The following DNAH12 variants were observed in gnomAD, a reference collection of about 807,000 sequenced individuals.
DNAH12 encodes the protein dynein axonemal heavy chain 12, also known as axonemal beta dynein heavy chain 12.
In DNAH12, 285 loss-of-function variants were observed where a neutral mutation model predicts 371.5. The ratio of observed to expected loss-of-function variants is 0.77; its 90% CI spans 0.70 to 0.85. The LOEUF (loss-of-function observed/expected upper bound fraction) is 0.85. DNAH12 is among the 40% of genes least tolerant of loss of function. The pLI, the probability that DNAH12 is intolerant of heterozygous loss-of-function variation, is 0.00. For missense variants in DNAH12, 3,611 were observed against 3,689.4 expected (o/e 0.98, Z 0.55); for synonymous variants, 1,200 against 1,213.0 (o/e 0.99, Z 0.22).
At chr3:57,299,632 G>A (rs747509198) in intron 70 of DNAH12, among the ~76,000 whole-genome samples, 22 of 152,090 alleles carry the variant, frequency 1.4e-4, no homozygotes, top group Non-Finnish European at 3.1e-4. Context: ...GCCTTTGGGA[G>A]GTAATTAGGT....
rs551225167 is a variant in DNAH12 at position 57,490,611 on chromosome 3, T to C, written c.1336-924A>G. 2.0e-5 allele frequency among the ~76,000 whole-genome samples: 3 copies of C among 152,284 alleles called. No homozygotes were observed. The South Asian group carries it at 6.2e-4, about 32-fold the overall frequency. The stretch of plus-strand genomic sequence containing the variant: ...ATCTCCACTCTCTACTGAAATGGCC[T>C]GTTCCTTTTATTCTTCCTTCAGGAG... On this transcript the variant is annotated intron_variant, in intron 11 of 73. Coordinates refer to ENST00000495027, the MANE Select transcript of DNAH12 (RefSeq NM_001366028.2).
At position 57,408,289 on chromosome 3, in the gene DNAH12, C is replaced by T. The variant is rs1457216908; in HGVS notation, c.6267G>A (p.Gly2089=). ...YFVIGNQIVN[G]TMEIYKQSVE... ...TGCATTATTGACTGACCTCCATAGT[C>T]CCATTGACTATCTGGTTCCCAATTA... The change falls in exon 40 of 74, where the codon GGG becomes GGA. Residue 2089 remains glycine, a synonymous_variant. Coordinates refer to ENST00000495027, the MANE Select transcript of DNAH12 (RefSeq NM_001366028.2). 6.5e-7 allele frequency: 1 copy of T among 1,549,118 alleles called. No homozygotes were observed. The highest frequency in any genetic ancestry group is 2.4e-5 in the East Asian group (1 of 40,884).
In DNAH12 at chr3:57,505,833, A is replaced by C. The variant is rs573335211; in HGVS notation, c.898-1629T>G. Among the ~76,000 whole-genome samples the C allele has an allele frequency of 3.3e-5, 5 of 151,500 alleles. No homozygotes were observed. The South Asian group carries it at 1.0e-3, about 32-fold the overall frequency. Reference sequence around the variant, plus strand: ...TTCACAGCAGGCTCGAGCTCCTGGGATCCTGGGCTCAAGCAATCCTCCCAC... The same window carrying C: ...TTCACAGCAGGCTCGAGCTCCTGGGCTCCTGGGCTCAAGCAATCCTCCCAC... On this transcript the variant is annotated intron_variant, in intron 8 of 73. Transcript: ENST00000495027.
intron 62 of DNAH12, among the ~76,000 whole-genome samples, chr3:57,333,878 T>A (rs2062163847): frequency 6.6e-6 from 1 of 152,064 alleles, no homozygotes; most frequent in African/African-American, 2.4e-5. Context: ...AAAAGTAAAA[T>A]CAGTCAATAG....
At chr3:57,369,407 C>T (rs2063124795) in intron 55 of DNAH12, among the ~76,000 whole-genome samples, 1 of 149,658 alleles carries the variant, frequency 6.7e-6, no homozygotes. Context: ...CATGTCACTT[C>T]AGCTTTCCCA....
At chr3:57,535,068 G>A (rs2068983059) in intron 2 of DNAH12, among the ~76,000 whole-genome samples, 1 of 152,140 alleles carries the variant, frequency 6.6e-6, no homozygotes, top group Admixed American at 6.5e-5. Flanking sequence ...ATTACCGATA[G>A]GAACATGAAG....
chr3:57,351,499 A>T (rs2062674423), intron 60 of DNAH12, among the ~76,000 whole-genome samples: 1 of 152,172 alleles, frequency 6.6e-6, no homozygotes, highest in African/African-American at 2.4e-5. Flanking sequence ...AATAGTGCCA[A>T]ACTGGAAACA....
At chr3:57,475,033 C>A (rs1019978699) in intron 13 of DNAH12, among the ~76,000 whole-genome samples, 1 of 150,710 alleles carries the variant, frequency 6.6e-6, no homozygotes, top group Admixed American at 6.6e-5. Context: ...TACACATATA[C>A]GGACACAGTG....
Position 57,444,831 on chromosome 3 carries a change from A to G in DNAH12, c.4426-15T>C, listed in dbSNP as rs1195738573. ...GATCGAAGAAGCTAAAATTACCCAA[A>G]AAGTACAATGTTAAGTTAGTTGCCA... On this transcript the variant is annotated splice_polypyrimidine_tract_variant and intron_variant, in intron 28 of 73. Coordinates refer to ENST00000495027, the MANE Select transcript of DNAH12 (RefSeq NM_001366028.2). The G allele has an allele frequency of 1.9e-6, 3 of 1,539,984 alleles. No individual in the cohort carries two copies. The highest frequency in any genetic ancestry group is 2.6e-6 in the Non-Finnish European group (3 of 1,141,984).
At chr3:57,397,964 T>C (rs1166770443) in intron 43 of DNAH12, among the ~76,000 whole-genome samples, 1 of 152,076 alleles carries the variant, frequency 6.6e-6, no homozygotes, top group Admixed American at 6.6e-5. Context: ...CATAAGGAAA[T>C]GCAGATCTAT....
chr3:57,299,141 C>T (rs916384192), intron 70 of DNAH12, among the ~76,000 whole-genome samples: 9 of 152,088 alleles, frequency 5.9e-5, no homozygotes, highest in South Asian at 2.1e-4. Flanking sequence ...CCAGGGAGAG[C>T]GAGCACCAAG....
At chr3:57,462,247 TGTTTTG>T (rs1354154435) in intron 18 of DNAH12, among the ~76,000 whole-genome samples, 3 of 15,896 alleles carry the variant, frequency 1.9e-4, no homozygotes, top group Admixed American at 1.5e-3. Context: ...AAGAGTGTTT[TGTTTTG>T]TTTTGTTTTG....
At chr3:57,314,101 C>G (rs1166772303) in intron 66 of DNAH12, among the ~76,000 whole-genome samples, 5 of 152,118 alleles carry the variant, frequency 3.3e-5, no homozygotes, top group Non-Finnish European at 7.4e-5. Flanking sequence ...TAGAGCTAAG[C>G]TGTAGACTTG....
rs937267348 is a variant in DNAH12, at chr3:57,295,602, G to GA, written c.11625-11dup. On this transcript the variant is annotated splice_polypyrimidine_tract_variant and intron_variant, in intron 72 of 73. Coordinates refer to ENST00000495027, the MANE Select transcript of DNAH12 (RefSeq NM_001366028.2). Reference sequence around the variant, plus strand: ...TTCAGCAAGCAATCCACTGTAACGAGAAATTGACAGAAATTATTAGAAATA... The same window carrying GA: ...TTCAGCAAGCAATCCACTGTAACGAGAAAATTGACAGAAATTATTAGAAATA... 2.6e-6 allele frequency: 4 copies of GA among 1,526,812 alleles called. No individual in the cohort carries two copies. The African/African-American group carries it at 5.5e-5, about 21-fold the overall frequency. 94.6% of individuals were successfully genotyped at this position (1,526,812 alleles called of 1,614,324 possible).
chr3:57,309,839 G>A lies in DNAH12; in HGVS notation c.10912C>T (p.Gln3638Ter). The A allele has an allele frequency of 6.5e-7, 1 of 1,544,846 alleles. No individual in the cohort carries two copies. Among genetic ancestry groups the A allele is most frequent in the Non-Finnish European group, 8.7e-7 (1 of 1,145,224 alleles). ...IEFIKKLPFT[Q>*]HPEIFGLHEN... ...TGTAATCCAAATATCTCAGGGTGTTGAGTAAATGGAAGTTTCTACCAGAAA... is the reference window on the plus strand; with the variant it reads ...TGTAATCCAAATATCTCAGGGTGTTAAGTAAATGGAAGTTTCTACCAGAAA... Residue 3638 changes from glutamine (Q) to a stop codon, truncating the protein, a stop_gained, in exon 68 of 74, where the codon CAA (glutamine) becomes TAA (stop). Coordinates refer to ENST00000495027, the MANE Select transcript of DNAH12 (RefSeq NM_001366028.2). LOFTEE classifies it high-confidence loss of function.
chr3:57,475,031 T>C (rs1376970847), intron 13 of DNAH12, among the ~76,000 whole-genome samples: 2 of 150,430 alleles, frequency 1.3e-5, no homozygotes, highest in African/African-American at 4.9e-5. Context: ...TCTACACATA[T>C]ACGGACACAG....
chr3:57,416,394 A>T (rs1439663968), intron 37 of DNAH12, among the ~76,000 whole-genome samples: 1 of 152,202 alleles, frequency 6.6e-6, no homozygotes, highest in Non-Finnish European at 1.5e-5. Context: ...GACCAGCCTT[A>T]TAGATACTTT....
upstream of DNAH12, among the ~76,000 whole-genome samples, chr3:57,547,070 C>T (rs2069585807): frequency 6.6e-6 from 1 of 152,116 alleles, no homozygotes; most frequent in South Asian, 2.1e-4. Flanking sequence ...TATAACTGCT[C>T]TCCATTTTCT....
intron 17 of DNAH12, among the ~76,000 whole-genome samples, chr3:57,466,079 C>G (rs2066193387): frequency 6.6e-6 from 1 of 151,956 alleles, no homozygotes; most frequent in Non-Finnish European, 1.5e-5. Context: ...CACACACACA[C>G]ACACACACAC....
Sources: allele counts gnomAD v4.1 joint callset (sites outside exome capture counted in the v4.1 genomes callset), GRCh38; gene constraint gnomAD v4.1.1; transcripts MANE v1.5; gene names NCBI Gene and HGNC (gene_info 2026-07-23, HGNC 2026-07-21).